Variants in PLA2G7 observed in about 807,000 individuals in gnomAD.
The protein encoded by PLA2G7 is platelet-activating factor acetylhydrolase.
PLA2G7 carries 63 observed loss-of-function variants against 49.6 expected under a neutral mutation model. The ratio of observed to expected loss-of-function variants is 1.27; its 90% confidence interval spans 1.04 to 1.57. PLA2G7 has a LOEUF of 1.57. PLA2G7 is among the 40% of genes most tolerant of loss of function. PLA2G7 has a pLI of 0.00. For missense variants in PLA2G7, 596 were observed against 521.2 expected (o/e 1.14, Z -1.40); for synonymous variants, 193 against 169.9 (o/e 1.14, Z -1.06).
At chr6:46,716,275 T>A in intron 4 of PLA2G7, 109 bp downstream of exon 4, 1 of 1,084,156 alleles carries the variant, frequency 9.2e-7, no homozygotes, top group Non-Finnish European at 1.4e-6. Flanking sequence ...TTAGGAGCTA[T>A]TTGGACTGAA....
intron 1 of PLA2G7, among the ~76,000 whole-genome samples, chr6:46,725,203 A>G (rs548778840): frequency 2.6e-5 from 4 of 152,166 alleles, no homozygotes; most frequent in African/African-American, 4.8e-5. Flanking sequence ...AGACCCAGAT[A>G]GGCAGCTGGT....
chr6:46,707,399 A>G (rs1350394855), intron 10 of PLA2G7, among the ~76,000 whole-genome samples: 5 of 152,220 alleles, frequency 3.3e-5, no homozygotes, highest in African/African-American at 1.2e-4. Context: ...ACCAAATCAC[A>G]TGTCAAATTG....
At position 46,710,593 on chromosome 6, in the gene PLA2G7, C is replaced by T; in HGVS notation, c.729G>A (p.Lys243=). The part of the protein sequence containing the change: ...LSLILDIDHG[K]PVKNALDLKF... ...TTAAATCTAATGCATTCTTCACTGGCTTTCCATGATCAATGTCAAGAATCA... is the reference window on the plus strand; with the variant it reads ...TTAAATCTAATGCATTCTTCACTGGTTTTCCATGATCAATGTCAAGAATCA... Residue 243 remains lysine (K), a synonymous_variant, in exon 8 of 12, where the codon AAG becomes AAA. Transcript: ENST00000274793. 1 of 1,613,610 alleles carries T rather than the reference C, an allele frequency of 6.2e-7. No homozygotes were observed. The highest frequency in any genetic ancestry group is 8.5e-7 in the Non-Finnish European group (1 of 1,179,538).
intron 2 of PLA2G7, among the ~76,000 whole-genome samples, chr6:46,722,320 A>G (rs1427733931): frequency 2.0e-5 from 3 of 152,174 alleles, no homozygotes; most frequent in African/African-American, 7.2e-5. Flanking sequence ...TGAAATTGTT[A>G]TCTCACATGA....
intron 1 of PLA2G7, among the ~76,000 whole-genome samples, chr6:46,733,933 G>A (rs538289501): frequency 6.6e-6 from 1 of 152,294 alleles, no homozygotes; most frequent in African/African-American, 2.4e-5. Flanking sequence ...AGCCTGATTT[G>A]TTAACACATC....
chr6:46,707,529 C>T (rs1333385569), intron 10 of PLA2G7, among the ~76,000 whole-genome samples: 6 of 152,108 alleles, frequency 3.9e-5, no homozygotes, highest in Non-Finnish European at 8.8e-5. Context: ...CTTGTGAGAC[C>T]TGGTTATTTA....
At chr6:46,733,413 A>G (rs1582593295) in intron 1 of PLA2G7, among the ~76,000 whole-genome samples, 2 of 150,782 alleles carry the variant, frequency 1.3e-5, no homozygotes, top group East Asian at 3.9e-4. Context: ...CAGATTCACA[A>G]CACTCCTAAT....
chr6:46,734,860 G>A (rs1384605603), intron 1 of PLA2G7, among the ~76,000 whole-genome samples: 3 of 151,848 alleles, frequency 2.0e-5, no homozygotes, highest in African/African-American at 4.8e-5. Context: ...GAGAGAGAGA[G>A]AGAAAAAAAA....
At chr6:46,708,201 A>T in intron 9 of PLA2G7, 40 bp from the exon 10 acceptor site, 1 of 1,473,086 alleles carries the variant, frequency 6.8e-7, no homozygotes, top group Non-Finnish European at 9.5e-7. Flanking sequence ...TAAACTGGTT[A>T]CATACTAGCC....
chr6:46,712,485 G>A, intron 5 of PLA2G7, 148 bp from the exon 6 acceptor site: 1 of 660,944 alleles, frequency 1.5e-6, no homozygotes, highest in South Asian at 1.5e-5. Context: ...AAAGGAGGGT[G>A]ATTTTGTTCC....
chr6:46,706,524 C>A (rs867266478), intron 10 of PLA2G7, among the ~76,000 whole-genome samples: 1 of 152,170 alleles, frequency 6.6e-6, no homozygotes, highest in Non-Finnish European at 1.5e-5. Context: ...CAATGTTGAA[C>A]AGATGCAGAG....
chr6:46,710,504 A>C, intron 8 of PLA2G7, 41 bp downstream of exon 8: 3 of 1,248,610 alleles, frequency 2.4e-6, no homozygotes, highest in Non-Finnish European at 3.5e-6. Context: ...AAAACAATAA[A>C]GAACTGTAGG....
rs560057176 is a variant in PLA2G7 at position 46,717,683 on chromosome 6, C to T, written c.110-587G>A. 5.3e-5 allele frequency among the ~76,000 whole-genome samples: 8 copies of T among 150,850 alleles called. No homozygotes were observed. The South Asian group carries it at 6.4e-4, about 12-fold the overall frequency. On this transcript the variant is annotated intron_variant, in intron 2 of 11. Coordinates refer to ENST00000274793, the MANE Select transcript of PLA2G7 (RefSeq NM_005084.4). ...TTCTCACCAACCACCCTACATTCAACGGAGCCTCTATTTTCTTTCTTTTTT... is the reference window on the plus strand; with the variant it reads ...TTCTCACCAACCACCCTACATTCAATGGAGCCTCTATTTTCTTTCTTTTTT...
chr6:46,716,317 G>T (rs2150700823), intron 4 of PLA2G7, 67 bp downstream of exon 4: 1 of 1,533,572 alleles, frequency 6.5e-7, no homozygotes, highest in Non-Finnish European at 9.0e-7. Flanking sequence ...ACTACTTGAA[G>T]TTCTTGTTGT....
Position 46,704,508 on chromosome 6 carries a change from A to G in PLA2G7, c.*52T>C. ...CACACACACACACACACACACACAC[A>G]CATAATTTTAGACAGTTTTGAAACA... On this transcript the variant is annotated 3_prime_UTR_variant, in exon 12 of 12. Transcript: ENST00000274793. 1 of 1,011,004 alleles carries G rather than the reference A, an allele frequency of 9.9e-7. No homozygotes were observed. The highest frequency in any genetic ancestry group is 1.6e-6 in the Non-Finnish European group (1 of 641,338). 62.6% of individuals were successfully genotyped at this position (1,011,004 alleles called of 1,614,324 possible). A position where few individuals can be genotyped will look rare whatever the true frequency, so the allele number is the denominator to read the frequency against.
chr6:46,704,462 TCTCTCTCTCTCTCTCTCACACACA>T lies in PLA2G7; in HGVS notation c.*74_*97del, dbSNP rs1159007042. On this transcript the variant is annotated 3_prime_UTR_variant, in exon 12 of 12. Transcript: ENST00000274793. The stretch of plus-strand genomic sequence containing the variant: ...AAAATTCTCTCTCTCTCTCTCTCTC[TCTCTCTCTCTCTCTCTCACACACA>T]CACACACACACACACACACACACAT... The T allele has an allele frequency of 2.4e-3, 1,481 of 617,332 alleles. 14 individuals are homozygous for T. The African/African-American group carries it at 0.047, about 20-fold the overall frequency. The allele number at this position is 617,332 out of a possible 1,614,324, so 38.2% of individuals were successfully genotyped here.
In PLA2G7 at chr6:46,707,465, G is replaced by C. The variant is rs180816953; in HGVS notation, c.1040+526C>G. Among the ~76,000 whole-genome samples the C allele has an allele frequency of 9.1e-4, 138 of 152,294 alleles. 1 individual carries two copies. The highest frequency in any genetic ancestry group is 1.5e-3 in the Non-Finnish European group (101 of 68,022). ...GGGAGGTGATTGGATCATGGGAGCA[G>C]TTTCTCATGGTTTCACACCATCCCC... On this transcript the variant is annotated intron_variant, in intron 10 of 11. Transcript: ENST00000274793.
chr6:46,715,167 GA>G (rs1765164393), intron 4 of PLA2G7, among the ~76,000 whole-genome samples: 1 of 152,124 alleles, frequency 6.6e-6, no homozygotes, highest in Admixed American at 6.5e-5. Flanking sequence ...CCAGGTTTTG[GA>G]AAAATTTTAA....
rs1363340574 is a variant in PLA2G7, at chr6:46,708,082, T to TA, written c.948dup (p.Ile317TyrfsTer4). 2.5e-6 allele frequency: 4 copies of TA among 1,607,830 alleles called. No homozygotes were observed. The highest frequency in any genetic ancestry group is 1.7e-6 in the Non-Finnish European group (2 of 1,174,636). Reference sequence around the variant, plus strand: ...GGATATTGGAAATATTCAGAGTTGATAAAAAAGAGGGGCTGAGGAATTCTG... The same window carrying TA: ...GGATATTGGAAATATTCAGAGTTGATAAAAAAAGAGGGGCTGAGGAATTCTG... On this transcript the variant is annotated frameshift_variant, in exon 10 of 12. Coordinates refer to ENST00000274793, the MANE Select transcript of PLA2G7 (RefSeq NM_005084.4). LOFTEE classifies it high-confidence loss of function.
Sources: gnomAD v4.1 joint callset for allele counts (sites outside exome capture counted in the v4.1 genomes callset) on GRCh38, gnomAD v4.1.1 for gene constraint, MANE v1.5 for transcripts, NCBI Gene and HGNC (gene_info 2026-07-23, HGNC 2026-07-21) for gene names.